RRAS2: variants seen among roughly 807,000 people sequenced by gnomAD.
RRAS2 encodes the protein ras-related protein R-Ras2.
A neutral mutation model predicts 27.6 loss-of-function variants in RRAS2; 7 were observed. The observed-to-expected ratio is 0.25, with a 90% CI of 0.14 to 0.48. The LOEUF (loss-of-function observed/expected upper bound fraction) is 0.48. Among genes scored for constraint, RRAS2 ranks in the 20% least tolerant of loss-of-function variants. RRAS2 has a pLI of 0.99. For synonymous variants in RRAS2, 86 were observed against 90.9 expected, an observed-to-expected ratio of 0.95 and a Z score of 0.31; for missense variants, 178 against 256.2, an observed-to-expected ratio of 0.69 and a Z score of 2.08.
At chr11:14,333,727 C>T (rs1342277141) in intron 1 of RRAS2, among the ~76,000 whole-genome samples, 4 of 150,672 alleles carry the variant, frequency 2.7e-5, no homozygotes, top group Admixed American at 2.6e-4. Flanking sequence ...ACTGCAACCT[C>T]GACTTCCCTA....
rs187465297 is a variant in RRAS2, at chr11:14,309,098, C to T, written c.109-13243G>A. Among the ~76,000 whole-genome samples, 556 of 152,184 alleles carry T rather than the reference C, an allele frequency of 3.7e-3. 4 individuals carry two copies. The highest frequency in any genetic ancestry group is 5.6e-3 in the Non-Finnish European group (380 of 67,988). On this transcript the variant is annotated intron_variant, in intron 1 of 5. Coordinates refer to ENST00000256196, the MANE Select transcript of RRAS2 (RefSeq NM_012250.6). ...CCCATAAACAGGTAGGTAACCAACT[C>T]ACTTCTAGTTGTAACTTTTGCTTCC...
rs1591487303 is a variant in RRAS2 at position 14,346,427 on chromosome 11, A to C, written c.108+12336T>G. 2.6e-5 allele frequency among the ~76,000 whole-genome samples: 4 copies of C among 152,336 alleles called. No individual in the cohort carries two copies. The East Asian group carries it at 7.7e-4, about 29-fold the overall frequency. ...ATGTGTCCATTTCCAATGATAAGAG[A>C]ATGCTGCAAGCATACACCTAGTGAA... On this transcript the variant is annotated intron_variant, in intron 1 of 5. Transcript: ENST00000256196.
At chr11:14,311,165 T>C (rs530606659) in intron 1 of RRAS2, among the ~76,000 whole-genome samples, 12 of 151,956 alleles carry the variant, frequency 7.9e-5, no homozygotes, top group Admixed American at 1.3e-4. Context: ...CTAGGCAACA[T>C]AGCAAGACCT....
At chr11:14,279,552 ATT>A (rs1849463942) in intron 5 of RRAS2, 128 bp from the exon 6 acceptor site, 1 of 718,020 alleles carries the variant, frequency 1.4e-6, no homozygotes. Context: ...CAACGAGGGA[ATT>A]TCTCTCTTTC....
intron 1 of RRAS2, among the ~76,000 whole-genome samples, chr11:14,297,398 G>A (rs1847580598): frequency 6.6e-6 from 1 of 152,180 alleles, no homozygotes; most frequent in Non-Finnish European, 1.5e-5. Flanking sequence ...CTGGTTTTGG[G>A]AGGAGATATA....
intron 1 of RRAS2, among the ~76,000 whole-genome samples, chr11:14,301,776 C>T (rs1448329224): frequency 2.6e-5 from 4 of 151,982 alleles, no homozygotes; most frequent in Non-Finnish European, 5.9e-5. Flanking sequence ...GTCAGGAGTT[C>T]GAGACCAGCC....
intron 1 of RRAS2, among the ~76,000 whole-genome samples, chr11:14,353,935 T>C (rs530247567): frequency 1.4e-4 from 22 of 152,344 alleles, no homozygotes; most frequent in African/African-American, 5.3e-4. Flanking sequence ...AATTCATTTG[T>C]ACATTAATGT....
intron 1 of RRAS2, among the ~76,000 whole-genome samples, chr11:14,337,849 G>A (rs563542379): frequency 1.2e-4 from 18 of 152,204 alleles, no homozygotes; most frequent in Non-Finnish European, 2.5e-4. Context: ...GACCTTCTCA[G>A]ATAAGGAAAA....
At chr11:14,299,181 A>C (rs1220190714) in intron 1 of RRAS2, among the ~76,000 whole-genome samples, 1 of 152,226 alleles carries the variant, frequency 6.6e-6, no homozygotes, top group Non-Finnish European at 1.5e-5. Context: ...CATGCAGTTA[A>C]ATGGTCTGAA....
chr11:14,357,825 T>A (rs1361730154), intron 1 of RRAS2, among the ~76,000 whole-genome samples: 1 of 152,132 alleles, frequency 6.6e-6, no homozygotes, highest in African/African-American at 2.4e-5. Context: ...CCACACCTTT[T>A]AGGTTGACAA....
At chr11:14,352,937 T>G (rs1252808597) in intron 1 of RRAS2, among the ~76,000 whole-genome samples, 1 of 151,876 alleles carries the variant, frequency 6.6e-6, no homozygotes, top group Non-Finnish European at 1.5e-5. Context: ...TAGCTGGGAT[T>G]GCAGGCGCCC....
chr11:14,291,024 CT>C, intron 4 of RRAS2, among the ~76,000 whole-genome samples: 1 of 152,088 alleles, frequency 6.6e-6, no homozygotes, highest in East Asian at 1.9e-4. Context: ...GATCCAGTGT[CT>C]GGTGGAGAAG....
intron 5 of RRAS2, among the ~76,000 whole-genome samples, chr11:14,281,095 A>T (rs907984101): frequency 1.3e-5 from 2 of 152,230 alleles, no homozygotes; most frequent in African/African-American, 2.4e-5. Context: ...GCCTGGGATG[A>T]GCTGGATAAA....
chr11:14,319,452 G>A (rs922646132), intron 1 of RRAS2, among the ~76,000 whole-genome samples: 21 of 135,806 alleles, frequency 1.5e-4, no homozygotes, highest in Admixed American at 5.2e-4. Flanking sequence ...TCCACTTCCC[G>A]GGTTCACGCC....
rs141378387 is a variant in RRAS2, at chr11:14,350,692, C to T, written c.108+8071G>A. ...AATACGCTAAACTAACGATAGCTGA[C>T]GAGGTTAAAAAAAAAATTGCAAAAA... On this transcript the variant is annotated intron_variant, in intron 1 of 5. Transcript: ENST00000256196. 3.7e-3 allele frequency among the ~76,000 whole-genome samples: 565 copies of T among 150,968 alleles called. 4 individuals carry two copies. The highest frequency in any genetic ancestry group is 0.013 in the African/African-American group (540 of 41,022).
chr11:14,357,457 C>T (rs1034716196), intron 1 of RRAS2, among the ~76,000 whole-genome samples: 6 of 152,200 alleles, frequency 3.9e-5, no homozygotes, highest in African/African-American at 1.4e-4. Flanking sequence ...ACCAATCTCA[C>T]CCCTTACTCA....
At chr11:14,291,263 A>T (rs1267331196) in intron 4 of RRAS2, among the ~76,000 whole-genome samples, 2 of 152,236 alleles carry the variant, frequency 1.3e-5, no homozygotes, top group Non-Finnish European at 2.9e-5. Flanking sequence ...AATGGGAAAT[A>T]GGTGGACTAG....
intron 1 of RRAS2, among the ~76,000 whole-genome samples, chr11:14,297,866 G>A (rs921063994): frequency 2.0e-5 from 3 of 151,808 alleles, no homozygotes; most frequent in Admixed American, 2.0e-4. Flanking sequence ...TTCAATGCAT[G>A]ATGTATTGAA....
intron 1 of RRAS2, among the ~76,000 whole-genome samples, chr11:14,314,114 C>T (rs782772343): frequency 6.6e-6 from 1 of 152,176 alleles, no homozygotes; most frequent in East Asian, 1.9e-4. Context: ...TGAAACTAGA[C>T]ATGTATTTTC....
Sources: allele counts gnomAD v4.1 joint callset (sites outside exome capture counted in the v4.1 genomes callset), GRCh38; gene constraint gnomAD v4.1.1; transcripts MANE v1.5; gene names NCBI Gene and HGNC (gene_info 2026-07-23, HGNC 2026-07-21).